The following TMEM266 variants were observed in gnomAD, a reference collection of about 807,000 sequenced individuals.
The protein encoded by TMEM266 is transmembrane protein 266, also known as Hv1 related protein 1.
Under a neutral mutation model 50.5 loss-of-function variants are expected in TMEM266, and 33 were observed. That is an observed-to-expected ratio of 0.65 (90% CI 0.50 to 0.87). The LOEUF is 0.87. Among genes scored for constraint, TMEM266 ranks in the 40% least tolerant of loss-of-function variants. The probability of loss-of-function intolerance (pLI) is 0.00; values close to 1 mark genes in which losing one functional copy is unlikely to be tolerated. For missense variants in TMEM266, 655 were observed against 695.1 expected (o/e 0.94, Z 0.65); for synonymous variants, 310 against 292.3 (o/e 1.06, Z -0.62).
chr15:76,126,456 A>G (rs1218448846), intron 1 of TMEM266, among the ~76,000 whole-genome samples: 1 of 151,270 alleles, frequency 6.6e-6, no homozygotes, highest in Non-Finnish European at 1.5e-5. Flanking sequence ...ACTTGCAACA[A>G]GATGGATGTA....
intron 1 of TMEM266, among the ~76,000 whole-genome samples, chr15:76,086,325 G>A (rs553040404): frequency 4.3e-4 from 65 of 152,314 alleles, no homozygotes; most frequent in Non-Finnish European, 6.0e-4. Context: ...AGGCAATGAA[G>A]CAATGGTGAT....
rs1298473861 is a variant in TMEM266, at chr15:76,168,375, T to G, written c.457-1441T>G. 6.6e-6 allele frequency among the ~76,000 whole-genome samples: 1 copy of G among 152,246 alleles called. No homozygotes were observed. The highest frequency in any genetic ancestry group is 1.5e-5 in the Non-Finnish European group (1 of 68,042). On this transcript the variant is annotated intron_variant, in intron 5 of 10. Transcript: ENST00000388942. This position sits in a 1 kb window ranked among gnomAD's most constrained non-coding sequence, Gnocchi z 4.4. ...AGAGCTGGATTTTACCAGCCAAGCC[T>G]TTCTGTGGCATAACAGCTGTGGGTG... is the stretch of plus-strand genomic sequence containing the variant.
intron 1 of TMEM266, among the ~76,000 whole-genome samples, chr15:76,063,524 G>A (rs547093628): frequency 3.2e-4 from 48 of 152,080 alleles, no homozygotes; most frequent in Non-Finnish European, 6.0e-4. Context: ...ATAGTCCCTC[G>A]CCTCATTTCA....
At chr15:76,171,213 G>A in intron 7 of TMEM266, 82 bp downstream of exon 7, 1 of 1,549,370 alleles carries the variant, frequency 6.5e-7, no homozygotes, top group Admixed American at 1.8e-5. Flanking sequence ...CCGTGTGATG[G>A]GGGTACACCC....
At position 76,204,267 on chromosome 15, in the gene TMEM266, A is replaced by T; in HGVS notation, c.1548A>T (p.Arg516Ser). ...TGCCCATGCTGGAGGACAAGTTCAG[A>T]TCTTTGGAATCCAAAGAGCAAAAGC... is the stretch of plus-strand genomic sequence containing the variant. Residue 516 changes from arginine (R) to serine (S), a missense_variant, in exon 11 of 11, where the codon AGA becomes AGT. By Grantham distance (110) the Arg-to-Ser change is moderately radical. Transcript: ENST00000388942. 1 of 1,612,962 alleles carries T rather than the reference A, an allele frequency of 6.2e-7. No homozygotes were observed. Among genetic ancestry groups the T allele is most frequent in the Non-Finnish European group, 8.5e-7 (1 of 1,179,300 alleles).
intron 3 of TMEM266, among the ~76,000 whole-genome samples, chr15:76,148,639 CAAG>C (rs1274337321): frequency 6.6e-6 from 1 of 152,206 alleles, no homozygotes; most frequent in Admixed American, 6.5e-5. Flanking sequence ...TTTGTCCCCC[CAAG>C]AAGGGACAGC....
chr15:76,095,928 G>A (rs1047500095), intron 1 of TMEM266, among the ~76,000 whole-genome samples: 2 of 151,982 alleles, frequency 1.3e-5, no homozygotes, highest in African/African-American at 4.8e-5. Context: ...TTCTCTGATG[G>A]TGGTAGTTTG....
At chr15:76,123,768 G>A (rs995055462) in intron 1 of TMEM266, among the ~76,000 whole-genome samples, 10 of 151,798 alleles carry the variant, frequency 6.6e-5, no homozygotes, top group South Asian at 4.1e-4. Context: ...GTGCAGTGGC[G>A]TGATCTTGGC....
chr15:76,166,081 GA>G (rs1282176226), intron 5 of TMEM266, among the ~76,000 whole-genome samples: 1 of 152,186 alleles, frequency 6.6e-6, no homozygotes, highest in African/African-American at 2.4e-5. Context: ...TGCACATTGA[GA>G]AGCACAGGCA....
chr15:76,201,207 C>T (rs1320904955), intron 9 of TMEM266, among the ~76,000 whole-genome samples: 1 of 152,168 alleles, frequency 6.6e-6, no homozygotes, highest in Non-Finnish European at 1.5e-5. Flanking sequence ...CTCCCAATCA[C>T]ACCTGACCAA....
At chr15:76,093,130 T>G (rs1389049528) in intron 1 of TMEM266, among the ~76,000 whole-genome samples, 1 of 151,650 alleles carries the variant, frequency 6.6e-6, no homozygotes, top group Non-Finnish European at 1.5e-5. Context: ...TTTATTTATT[T>G]ATTTATTCTT....
At chr15:76,083,214 C>T (rs1027453080) in intron 1 of TMEM266, among the ~76,000 whole-genome samples, 4 of 151,044 alleles carry the variant, frequency 2.6e-5, no homozygotes, top group Admixed American at 6.6e-5. Flanking sequence ...AATGGGGAAC[C>T]GTCAGGGGTG....
chr15:76,142,073 C>T (rs2037687687), intron 3 of TMEM266, among the ~76,000 whole-genome samples: 1 of 152,190 alleles, frequency 6.6e-6, no homozygotes, highest in African/African-American at 2.4e-5. Flanking sequence ...TATGAACAGA[C>T]CTGTACAAAT....
chr15:76,075,446 C>T (rs2036591043), intron 1 of TMEM266, among the ~76,000 whole-genome samples: 1 of 152,114 alleles, frequency 6.6e-6, no homozygotes, highest in Non-Finnish European at 1.5e-5. Flanking sequence ...GTGTCTAATG[C>T]ACCTAAGAGG....
chr15:76,084,330 T>G (rs1004095086), intron 1 of TMEM266, among the ~76,000 whole-genome samples: 2 of 151,412 alleles, frequency 1.3e-5, no homozygotes, highest in Middle Eastern at 3.4e-3. Flanking sequence ...AAAAAGAAAA[T>G]AAAAGAAAAA....
chr15:76,134,178 T>C lies in TMEM266; in HGVS notation c.-86T>C, dbSNP rs140934651. The C allele has an allele frequency of 2.0e-6, 3 of 1,464,254 alleles. No individual in the cohort carries two copies. The highest frequency in any genetic ancestry group is 1.9e-6 in the Non-Finnish European group (2 of 1,050,080). The allele number at this position is 1,464,254 out of a possible 1,614,324, so 90.7% of individuals were successfully genotyped here. On this transcript the variant is annotated 5_prime_UTR_variant, in exon 2 of 11. Transcript: ENST00000388942. Reference sequence around the variant, plus strand: ...TATTTTTGTTTTCAGGGCACTATATTTGTATGTGTCTTGTAGAACCCACGC... The same window carrying C: ...TATTTTTGTTTTCAGGGCACTATATCTGTATGTGTCTTGTAGAACCCACGC...
chr15:76,092,143 T>C (rs932471698), intron 1 of TMEM266, among the ~76,000 whole-genome samples: 2 of 152,102 alleles, frequency 1.3e-5, no homozygotes, highest in Admixed American at 6.5e-5. Flanking sequence ...TCCAGCAACA[T>C]GGATATAATG....
In TMEM266 at chr15:76,087,159, T is replaced by G. The variant is rs188459094; in HGVS notation, c.-97+27143T>G. On this transcript the variant is annotated intron_variant, in intron 1 of 10. Coordinates refer to ENST00000388942, the MANE Select transcript of TMEM266 (RefSeq NM_152335.3). ...GTGTATTGTATATAAATTGTGCATCTTTTTTTTAAAGTACTAGAGAAAAAA... is the reference window on the plus strand; with the variant it reads ...GTGTATTGTATATAAATTGTGCATCGTTTTTTTAAAGTACTAGAGAAAAAA... Among the ~76,000 whole-genome samples, 628 of 152,142 alleles carry G rather than the reference T, an allele frequency of 4.1e-3. 5 individuals are homozygous for G. Among genetic ancestry groups the G allele is most frequent in the Non-Finnish European group, 5.3e-3 (360 of 67,970 alleles).
intron 1 of TMEM266, among the ~76,000 whole-genome samples, chr15:76,104,457 T>C (rs924254276): frequency 2.6e-4 from 39 of 152,176 alleles, no homozygotes; most frequent in African/African-American, 8.7e-4. Flanking sequence ...GAAACTCTAC[T>C]GGACAGCGCT....
Sources: gnomAD v4.1 joint callset for allele counts (sites outside exome capture counted in the v4.1 genomes callset) on GRCh38, gnomAD v4.1.1 for gene constraint, Gnocchi (gnomAD v3.1) non-coding constraint, MANE v1.5 for transcripts, NCBI Gene and HGNC (gene_info 2026-07-23, HGNC 2026-07-21) for gene names.